The following DST variants were observed in gnomAD, a reference collection of about 807,000 sequenced individuals.
The protein encoded by DST is bullous pemphigoid antigen.
DST carries 253 observed loss-of-function variants against 875.2 expected under a neutral mutation model. The ratio of observed to expected loss-of-function variants is 0.29; its 90% CI spans 0.26 to 0.32. The LOEUF (loss-of-function observed/expected upper bound fraction) is 0.32, where lower values mean the gene tolerates loss of function less well. Ranked by LOEUF, DST falls within the 10% of genes least tolerant of loss-of-function variation. The probability of loss-of-function intolerance (pLI) is 1.00; values close to 1 mark genes in which losing one functional copy is unlikely to be tolerated. For synonymous variants in DST, 3,124 were observed against 3,197.1 expected (o/e 0.98, Z 0.77); for missense variants, 8,287 against 9,111.6 (o/e 0.91, Z 3.68).
intron 4 of DST, among the ~76,000 whole-genome samples, chr6:56,794,822 A>C (rs955344197): frequency 1.3e-5 from 2 of 152,184 alleles, no homozygotes; most frequent in Non-Finnish European, 2.9e-5. Flanking sequence ...TCAGCTTCCA[A>C]AAGTGGAGTT....
intron 5 of DST, among the ~76,000 whole-genome samples, chr6:56,718,428 A>G (rs1449833369): frequency 6.6e-6 from 1 of 152,240 alleles, no homozygotes; most frequent in Non-Finnish European, 1.5e-5. Flanking sequence ...AAGAATGCAG[A>G]AAAACTGGAA....
chr6:56,673,397 T>C (rs1035396431), intron 9 of DST, among the ~76,000 whole-genome samples: 3 of 152,228 alleles, frequency 2.0e-5, no homozygotes, highest in African/African-American at 7.2e-5. Flanking sequence ...GTATGTATAA[T>C]GACAGATAGA....
chr6:56,515,513 G>C lies in DST; in HGVS notation c.18513C>G (p.Ile6171Met), dbSNP rs1029481180. ...WPWLTETQSI[I>M]SQLPAPALEY... ...CAAGGGCTGGGGCGGGAAGCTGAGA[G>C]ATGATTGATTGTGTTTCTGTCAGCC... Residue 6171 changes from isoleucine (I) to methionine (M), a missense_variant, in exon 72 of 104, where the codon ATC becomes ATG. Transcript: ENST00000680361. The C allele has an allele frequency of 1.2e-5, 20 of 1,613,848 alleles. No individual in the cohort carries two copies. Among genetic ancestry groups the C allele is most frequent in the Non-Finnish European group, 1.7e-5 (20 of 1,179,850 alleles).
intron 2 of DST, among the ~76,000 whole-genome samples, chr6:56,938,108 C>CTCTATATATATA (rs1383243392): frequency 5.0e-5 from 6 of 120,754 alleles, no homozygotes; most frequent in African/African-American, 1.7e-4. Flanking sequence ...CTCTCTCTCT[C>CTCTATATATATA]TATATATATA....
intron 3 of DST, among the ~76,000 whole-genome samples, chr6:56,879,977 C>T (rs1781326993): frequency 6.6e-6 from 1 of 152,240 alleles, no homozygotes; most frequent in African/African-American, 2.4e-5. Context: ...AAAGTAGGTG[C>T]TATTGTAGCA....
intron 65 of DST, 33 bp from the exon 66 acceptor site, chr6:56,529,807 A>G (rs779197292): frequency 4.1e-6 from 6 of 1,477,764 alleles, no homozygotes; most frequent in Non-Finnish European, 4.5e-6. Flanking sequence ...AAGAAGAAAA[A>G]CAAAAAGAAT....
intron 5 of DST, among the ~76,000 whole-genome samples, chr6:56,725,684 G>A (rs752201585): frequency 6.6e-6 from 1 of 152,124 alleles, no homozygotes; most frequent in African/African-American, 2.4e-5. Context: ...ACATCTGTAC[G>A]ATAGTATATG....
intron 55 of DST, 29 bp from the exon 56 acceptor site, chr6:56,562,229 A>G: frequency 1.4e-6 from 2 of 1,454,210 alleles, no homozygotes; most frequent in Non-Finnish European, 1.9e-6. Context: ...TAAAATAATC[A>G]CAGTTTCATA....
chr6:56,501,740 A>T (rs1260128299), intron 78 of DST, 47 bp from the exon 79 acceptor site: 1 of 1,353,986 alleles, frequency 7.4e-7, no homozygotes, highest in Admixed American at 2.4e-5. Flanking sequence ...AAAATCACTA[A>T]CTCCAAACAA....
At chr6:56,647,842 C>A (rs955506782) in intron 13 of DST, among the ~76,000 whole-genome samples, 1 of 151,950 alleles carries the variant, frequency 6.6e-6, no homozygotes, top group African/African-American at 2.4e-5. Flanking sequence ...TGTGCCACCA[C>A]GCCAGGCTGA....
At chr6:56,569,310 G>A (rs1278449133) in intron 54 of DST, among the ~76,000 whole-genome samples, 6 of 124,710 alleles carry the variant, frequency 4.8e-5, no homozygotes, top group Admixed American at 2.0e-4. Flanking sequence ...GGGCAAAAGA[G>A]CAAGACTCTG....
chr6:56,821,020 G>A (rs1018196814), intron 4 of DST, among the ~76,000 whole-genome samples: 2 of 152,104 alleles, frequency 1.3e-5, no homozygotes, highest in Non-Finnish European at 2.9e-5. Flanking sequence ...AAAATAACAC[G>A]GCTAATCTGC....
intron 60 of DST, 121 bp from the exon 61 acceptor site, chr6:56,553,776 C>A: frequency 1.1e-6 from 1 of 912,794 alleles, no homozygotes; most frequent in Non-Finnish European, 1.6e-6. Context: ...GGGCTTTTAG[C>A]ATTGACTATA....
chr6:56,649,073 C>T (rs2098960179), intron 12 of DST, among the ~76,000 whole-genome samples: 1 of 152,150 alleles, frequency 6.6e-6, no homozygotes, highest in Admixed American at 6.5e-5. Context: ...TAGTTGCCAT[C>T]TTTGCCAACT....
chr6:56,696,815 A>G (rs1016006536), intron 9 of DST, among the ~76,000 whole-genome samples: 2 of 151,958 alleles, frequency 1.3e-5, no homozygotes, highest in Non-Finnish European at 2.9e-5. Flanking sequence ...CTATTACTTC[A>G]TCCATCTCTC....
intron 3 of DST, among the ~76,000 whole-genome samples, chr6:56,858,968 T>C (rs1172662149): frequency 2.0e-5 from 3 of 152,210 alleles, no homozygotes; most frequent in African/African-American, 7.2e-5. Flanking sequence ...TGAAAGCCTG[T>C]GCTCTTGACC....
intron 4 of DST, among the ~76,000 whole-genome samples, chr6:56,783,863 C>T (rs888931436): frequency 6.6e-6 from 1 of 152,144 alleles, no homozygotes; most frequent in Non-Finnish European, 1.5e-5. Flanking sequence ...CGGCTGGTAC[C>T]TGTTGTGCCT....
At chr6:56,676,447 T>A (rs1277221141) in intron 9 of DST, among the ~76,000 whole-genome samples, 1 of 152,142 alleles carries the variant, frequency 6.6e-6, no homozygotes, top group African/African-American at 2.4e-5. Context: ...AAAACCATTA[T>A]GGAAAACAGT....
rs35166231 is a variant in DST, at chr6:56,938,135, T to TA, written c.216+15649dup. ...ATATATATATATATATATATATGTT[T>TA]AAAAAAAAATTTTTTTGAGATAGAT... On this transcript the variant is annotated intron_variant, in intron 2 of 103. Transcript: ENST00000680361. Among the ~76,000 whole-genome samples the TA allele has an allele frequency of 4.1e-4, 60 of 147,820 alleles. No individual in the cohort carries two copies. In the Middle Eastern group the frequency reaches 0.014, roughly 34 times the overall value.
Sources: gnomAD v4.1 joint callset for allele counts (sites outside exome capture counted in the v4.1 genomes callset) on GRCh38, gnomAD v4.1.1 for gene constraint, MANE v1.5 for transcripts, NCBI Gene and HGNC (gene_info 2026-07-23, HGNC 2026-07-21) for gene names.